The following URB1 variants were observed in gnomAD, a reference collection of about 807,000 sequenced individuals.
The protein encoded by URB1 is URB1 ribosome biogenesis factor, also known as nucleolar pre-ribosomal-associated protein 1.
In URB1, 197 loss-of-function variants were observed where a neutral mutation model predicts 242.3. The ratio of observed to expected loss-of-function variants is 0.81; its 90% CI spans 0.72 to 0.91. The LOEUF (loss-of-function observed/expected upper bound fraction) is 0.91. Ranked by LOEUF, URB1 falls within the 40% of genes least tolerant of loss-of-function variation. The pLI, the probability that URB1 is intolerant of heterozygous loss-of-function variation, is 0.00. For synonymous variants in URB1, 1,153 were observed against 1,201.8 expected (o/e 0.96, Z 0.84); for missense variants, 2,721 against 2,860.5 (o/e 0.95, Z 1.11).
At chr21:32,386,103 C>T (rs1034286636) in intron 1 of URB1, among the ~76,000 whole-genome samples, 1 of 150,304 alleles carries the variant, frequency 6.7e-6, no homozygotes, top group African/African-American at 2.5e-5. Flanking sequence ...GAGCCGAGAT[C>T]GCGCCATTGC....
At chr21:32,326,556 ACCC>A in intron 30 of URB1, among the ~76,000 whole-genome samples, 1 of 152,030 alleles carries the variant, frequency 6.6e-6, no homozygotes, top group Non-Finnish European at 1.5e-5. Context: ...TGAATTACAA[ACCC>A]CCATGTTGGA....
chr21:32,353,858 C>G, intron 18 of URB1, 75 bp downstream of exon 18: 1 of 1,467,460 alleles, frequency 6.8e-7, no homozygotes, highest in Middle Eastern at 2.0e-4. Flanking sequence ...CCCAGAGCCC[C>G]TGGAATCCCA....
rs2033264630 is a variant in URB1, at chr21:32,359,897, C to A, written c.1768G>T (p.Glu590Ter). ...GGCACCTCCTCTCGAAGGCCCTGCT[C>A]AGAGATGACACCTATGGGTGAAAAA... ...FSKLLKGVIS[E>*]QGLREEVPPI... The change falls in exon 14 of 39, where the codon GAG becomes TAG. Residue 590 changes from glutamate (E) to a stop codon, truncating the protein, a stop_gained. Coordinates refer to ENST00000382751, the MANE Select transcript of URB1 (RefSeq NM_014825.3). LOFTEE classifies it high-confidence loss of function. The A allele has an allele frequency of 6.5e-7, 1 of 1,548,798 alleles. No homozygotes were observed.
At chr21:32,321,990 CT>C in intron 33 of URB1, 46 bp from the exon 34 acceptor site, 1 of 1,540,690 alleles carries the variant, frequency 6.5e-7, no homozygotes, top group Non-Finnish European at 8.8e-7. Flanking sequence ...AGTGAAAGTC[CT>C]TTCATCTGAC....
At position 32,346,876 on chromosome 21, in the gene URB1, T is replaced by C. The variant is rs111297721; in HGVS notation, c.3868+80A>G. ...CATCCCAGAACCTGAATTTCTAGGG[T>C]TTAAAAATGGCCATGCAGTTCACCT... On this transcript the variant is annotated intron_variant, in intron 22 of 38. Coordinates refer to ENST00000382751, the MANE Select transcript of URB1 (RefSeq NM_014825.3). 202 of 1,434,756 alleles carry C rather than the reference T, an allele frequency of 1.4e-4. No individual in the cohort carries two copies. In the African/African-American group the frequency reaches 2.6e-3, roughly 19 times the overall value. 88.9% of individuals were successfully genotyped at this position (1,434,756 alleles called of 1,614,324 possible). A position where few individuals can be genotyped will look rare whatever the true frequency, so the allele number is the denominator to read the frequency against.
intron 30 of URB1, among the ~76,000 whole-genome samples, chr21:32,326,503 T>C (rs567295660): frequency 6.6e-6 from 1 of 152,346 alleles, no homozygotes; most frequent in East Asian, 1.9e-4. Context: ...ATGCATTGGA[T>C]GGTGAAATGG....
At chr21:32,356,815 T>G (rs1363668501) in intron 15 of URB1, among the ~76,000 whole-genome samples, 2 of 152,202 alleles carry the variant, frequency 1.3e-5, no homozygotes, top group African/African-American at 4.8e-5. Flanking sequence ...ATTTCACCTA[T>G]TTGCAGTCAG....
chr21:32,391,176 A>G (rs927842173), intron 1 of URB1, among the ~76,000 whole-genome samples: 1 of 141,374 alleles, frequency 7.1e-6, no homozygotes, highest in Non-Finnish European at 1.5e-5. Flanking sequence ...ATGAGAACAC[A>G]TGGACACAGG....
At chr21:32,366,934 A>G (rs2033353542) in intron 9 of URB1, among the ~76,000 whole-genome samples, 179 bp from the exon 10 acceptor site, 1 of 152,218 alleles carries the variant, frequency 6.6e-6, no homozygotes. Context: ...AAGACAAATC[A>G]GGTCAGGAGA....
intron 30 of URB1, among the ~76,000 whole-genome samples, chr21:32,327,411 C>T (rs1480990566): frequency 6.6e-6 from 1 of 151,770 alleles, no homozygotes; most frequent in Non-Finnish European, 1.5e-5. Flanking sequence ...TTTTTTCAGA[C>T]ACAAAAAAGC....
At position 32,347,805 on chromosome 21, in the gene URB1, C is replaced by T. The variant is rs890594478; in HGVS notation, c.3019G>A (p.Glu1007Lys). 1 of 1,542,612 alleles carries T rather than the reference C, an allele frequency of 6.5e-7. No homozygotes were observed. Among genetic ancestry groups the T allele is most frequent in the Non-Finnish European group, 8.7e-7 (1 of 1,145,394 alleles). Residue 1007 changes from glutamate to lysine, a missense_variant, in exon 22 of 39, where the codon GAG (glutamate) becomes AAG (lysine). By Grantham distance (56) the Glu-to-Lys change is moderately conservative. Transcript: ENST00000382751. ...CTGAGGATGGCCACAAGCACCTCCTCCAGCGTCTGAAAGGCAGTGACGAGG... is the reference window on the plus strand; with the variant it reads ...CTGAGGATGGCCACAAGCACCTCCTTCAGCGTCTGAAAGGCAGTGACGAGG... ...SLELANDQTL[E>K]EVLVAILRHP...
At chr21:32,321,773 C>A (rs376352470) in intron 34 of URB1, 28 bp downstream of exon 34, 99 of 1,549,014 alleles carry the variant, frequency 6.4e-5, no homozygotes, top group Non-Finnish European at 8.2e-5. Flanking sequence ...ACCTCTCGCT[C>A]TCAAATAAGC....
intron 2 of URB1, among the ~76,000 whole-genome samples, chr21:32,384,975 C>T (rs923995359): frequency 7.4e-5 from 11 of 149,436 alleles, no homozygotes; most frequent in African/African-American, 1.5e-4. Context: ...AGTGAGACTC[C>T]GTCTCAAAAA....
At chr21:32,316,441 C>T (rs1040751016) in intron 38 of URB1, 25 bp downstream of exon 38, 31 of 1,471,208 alleles carry the variant, frequency 2.1e-5, no homozygotes, top group Admixed American at 7.9e-5. Flanking sequence ...ATTTCTTCAG[C>T]CTCCAACAAA....
intron 1 of URB1, among the ~76,000 whole-genome samples, chr21:32,389,807 G>C (rs2033619747): frequency 6.6e-6 from 1 of 152,184 alleles, no homozygotes; most frequent in African/African-American, 2.4e-5. Context: ...AACTGGCTTA[G>C]AGCCAAACCC....
rs566011148 is a variant in URB1 at position 32,357,617 on chromosome 21, C to G, written c.1909G>C (p.Val637Leu). ...DAEIIGGERS[V>L]FYLLMKMFVT... ...AACATTTTCATTAGTAAGTAAAATA[C>G]TGATCGTTCACCTCCAATAATTTCT... Residue 637 changes from valine (V) to leucine (L), a missense_variant, in exon 15 of 39, where the codon GTA (valine) becomes CTA (leucine). Transcript: ENST00000382751. 1 of 1,525,260 alleles carries G rather than the reference C, an allele frequency of 6.6e-7. No homozygotes were observed. The highest frequency in any genetic ancestry group is 2.2e-5 in the Admixed American group (1 of 46,318). 94.5% of individuals were successfully genotyped at this position (1,525,260 alleles called of 1,614,324 possible). A position where few individuals can be genotyped will look rare whatever the true frequency, so the allele number is the denominator to read the frequency against.
chr21:32,378,430 AG>A lies in URB1; in HGVS notation c.664+14del. On this transcript the variant is annotated intron_variant, in intron 5 of 38. Coordinates refer to ENST00000382751, the MANE Select transcript of URB1 (RefSeq NM_014825.3). ...AACAAATGGGCTTTCCTAACGGACAAGGGAGTACACCTACCTTTCACTTCCA... is the reference window on the plus strand; with the variant it reads ...AACAAATGGGCTTTCCTAACGGACAAGGAGTACACCTACCTTTCACTTCCA... 6.5e-7 allele frequency: 1 copy of A among 1,548,400 alleles called. No homozygotes were observed. Among genetic ancestry groups the A allele is most frequent in the South Asian group, 1.2e-5 (1 of 83,982 alleles).
intron 8 of URB1, among the ~76,000 whole-genome samples, chr21:32,372,006 G>A (rs1483399595): frequency 1.3e-5 from 2 of 152,120 alleles, no homozygotes; most frequent in Non-Finnish European, 2.9e-5. Flanking sequence ...TGGGCAGCCT[G>A]TCAAGGAGAG....
Position 32,340,375 on chromosome 21 carries a change from G to A in URB1, c.4316+1091C>T, listed in dbSNP as rs1211159527. Among the ~76,000 whole-genome samples, 4 of 152,218 alleles carry A rather than the reference G, an allele frequency of 2.6e-5. No homozygotes were observed. In the East Asian group the frequency reaches 7.7e-4, roughly 29 times the overall value. ...GCCTGTAATCCCAGCACTTTGGGAGGCCGAGGCAGGTGGATTACCTGAGGT... is the reference window on the plus strand; with the variant it reads ...GCCTGTAATCCCAGCACTTTGGGAGACCGAGGCAGGTGGATTACCTGAGGT... On this transcript the variant is annotated intron_variant, in intron 25 of 38. Coordinates refer to ENST00000382751, the MANE Select transcript of URB1 (RefSeq NM_014825.3).
Sources: gnomAD v4.1 joint callset for allele counts (sites outside exome capture counted in the v4.1 genomes callset) on GRCh38, gnomAD v4.1.1 for gene constraint, MANE v1.5 for transcripts, NCBI Gene and HGNC (gene_info 2026-07-23, HGNC 2026-07-21) for gene names.